Variants in APOO observed in about 807,000 individuals in gnomAD.
APOO encodes MICOS complex subunit MIC26.
Under a neutral mutation model 23.1 loss-of-function variants are expected in APOO, and 11 were observed. The observed-to-expected ratio is 0.48, with a 90% CI of 0.30 to 0.79. The LOEUF (loss-of-function observed/expected upper bound fraction) is 0.79. Among genes scored for constraint, APOO ranks in the 30% least tolerant of loss-of-function variants. The probability of loss-of-function intolerance (pLI) is 0.07; values close to 1 mark genes in which losing one functional copy is unlikely to be tolerated. For synonymous variants in APOO, 59 were observed against 54.8 expected (o/e 1.08, Z -0.34); for missense variants, 160 against 142.7 (o/e 1.12, Z -0.62).
At position 23,856,381 on chromosome X, in the gene APOO, A is replaced by G; in HGVS notation, c.482T>C (p.Val161Ala). 1 of 1,194,026 alleles carries G rather than the reference A, an allele frequency of 8.4e-7. No individual in the cohort carries two copies. The highest frequency in any genetic ancestry group is 1.7e-5 in the African/African-American group (1 of 57,280). Residue 161 changes from valine (V) to alanine (A), a missense_variant and splice_region_variant, in exon 7 of 9, where the codon GTC becomes GCC. Val to Ala is a moderately conservative substitution (Grantham distance 64). Coordinates refer to ENST00000379226, the MANE Select transcript of APOO (RefSeq NM_024122.5). ...CCAGTCATATAATCTCTCCCCACTG[A>G]CCTTAAAACAAAATAGAAAAGATCT... is the stretch of plus-strand genomic sequence containing the variant. ...YPQQAIVFAQ[V>A]SGERLYDWGL... is the part of the protein sequence containing the mutation.
chrX:23,835,747 G>A (rs1444792621), intron 8 of APOO, among the ~76,000 whole-genome samples: 3 of 109,520 alleles, frequency 2.7e-5, no homozygotes, highest in Non-Finnish European at 5.7e-5. Flanking sequence ...ATGAACCTAA[G>A]TCTAATTAAG....
In APOO at chrX:23,840,366, C is replaced by A. The variant is rs749411790; in HGVS notation, c.573G>T (p.Val191=). The A allele has an allele frequency of 8.3e-6, 10 of 1,198,907 alleles. No individual in the cohort carries two copies. In the East Asian group the frequency reaches 3.0e-4, roughly 36 times the overall value. Reference sequence around the variant, plus strand: ...TCTACTTAGTTCCAGGTGAATTCTTCACATTTCCTGGCTTTTAAAACAAAA... The same window carrying A: ...TCTACTTAGTTCCAGGTGAATTCTTAACATTTCCTGGCTTTTAAAACAAAA... The part of the protein sequence containing the change: ...WKENFQKPGN[V]KNSPGTK The change falls in exon 8 of 9, where the codon GTG becomes GTT. Residue 191 remains valine (V), a synonymous_variant. Coordinates refer to ENST00000379226, the MANE Select transcript of APOO (RefSeq NM_024122.5).
At chrX:23,876,369 G>GC (rs1447941860) in intron 3 of APOO, among the ~76,000 whole-genome samples, 1 of 103,576 alleles carries the variant, frequency 9.7e-6, no homozygotes, top group Non-Finnish European at 2.0e-5. Flanking sequence ...GATCTCTTGA[G>GC]CCCAGGAGTT....
chrX:23,888,707 A>T (rs1473707431), intron 1 of APOO, among the ~76,000 whole-genome samples: 2 of 109,504 alleles, frequency 1.8e-5, no homozygotes, highest in Non-Finnish European at 3.8e-5. Context: ...AAAATTAGCC[A>T]GGCATGGTGG....
chrX:23,895,129 A>T (rs1365178640), intron 1 of APOO, among the ~76,000 whole-genome samples: 1 of 106,440 alleles, frequency 9.4e-6, no homozygotes. Context: ...ACAGAGTGAG[A>T]CTCCGCCTCA....
At chrX:23,895,891 G>C (rs770043291) in intron 1 of APOO, among the ~76,000 whole-genome samples, 16 of 108,755 alleles carry the variant, frequency 1.5e-4, no homozygotes, top group South Asian at 4.0e-4. Flanking sequence ...AAAAAAAGAG[G>C]AAGGGGACTT....
intron 7 of APOO, among the ~76,000 whole-genome samples, chrX:23,842,880 T>C (rs773810641): frequency 2.7e-5 from 3 of 111,593 alleles, no homozygotes; most frequent in African/African-American, 6.5e-5. Context: ...TGGTGGCGCA[T>C]GCCTGTAATC....
At chrX:23,860,896 T>C (rs1268927337) in intron 5 of APOO, among the ~76,000 whole-genome samples, 1 of 108,091 alleles carries the variant, frequency 9.3e-6, no homozygotes, top group Non-Finnish European at 1.9e-5. Flanking sequence ...TCCCAGCACT[T>C]TGGGAGGCTG....
chrX:23,868,378 GC>G (rs1925437678), intron 5 of APOO, among the ~76,000 whole-genome samples: 1 of 111,933 alleles, frequency 8.9e-6, no homozygotes, highest in African/African-American at 3.2e-5. Flanking sequence ...AAGTAAATGT[GC>G]CTATAAAGGA....
intron 7 of APOO, among the ~76,000 whole-genome samples, chrX:23,853,202 A>T (rs1388057722): frequency 9.0e-6 from 1 of 110,743 alleles, no homozygotes; most frequent in Non-Finnish European, 1.9e-5. Context: ...AGGTTGCAGT[A>T]AGCCGAGATC....
At chrX:23,873,501 G>C (rs1426917893) in intron 4 of APOO, among the ~76,000 whole-genome samples, 1 of 110,042 alleles carries the variant, frequency 9.1e-6, no homozygotes, top group African/African-American at 3.3e-5. Flanking sequence ...TAGCTACTCG[G>C]GAAGCTAAGG....
Position 23,863,821 on chromosome X carries a change from G to A in APOO, c.388+4772C>T, listed in dbSNP as rs191318731. ...GGAGGATATAGAGCTGTGGAGCAAGGGAAATGGACAGAAGAGACAGCAGGA... is the reference window on the plus strand; with the variant it reads ...GGAGGATATAGAGCTGTGGAGCAAGAGAAATGGACAGAAGAGACAGCAGGA... On this transcript the variant is annotated intron_variant, in intron 5 of 8. Coordinates refer to ENST00000379226, the MANE Select transcript of APOO (RefSeq NM_024122.5). 3.0e-4 allele frequency among the ~76,000 whole-genome samples: 33 copies of A among 110,025 alleles called. No homozygotes were observed. The Admixed American group carries it at 3.3e-3, about 11-fold the overall frequency.
At chrX:23,872,853 C>T (rs1925681428) in intron 4 of APOO, among the ~76,000 whole-genome samples, 1 of 109,685 alleles carries the variant, frequency 9.1e-6, no homozygotes, top group African/African-American at 3.3e-5. Context: ...GAGTTCTACA[C>T]CAGCCTGACC....
At chrX:23,859,382 G>A (rs1475835462) in intron 5 of APOO, among the ~76,000 whole-genome samples, 11 of 110,396 alleles carry the variant, frequency 1.0e-4, no homozygotes, top group Non-Finnish European at 2.1e-4. Flanking sequence ...CCCCCGTACC[G>A]TCCAGCCCTA....
intron 3 of APOO, among the ~76,000 whole-genome samples, chrX:23,875,577 G>A (rs1430900806): frequency 9.4e-6 from 1 of 106,735 alleles, no homozygotes; most frequent in East Asian, 3.1e-4. Context: ...CCGCCACCAC[G>A]CCCAACTAAT....
At chrX:23,870,803 A>T (rs1277469829) in intron 4 of APOO, among the ~76,000 whole-genome samples, 1 of 108,682 alleles carries the variant, frequency 9.2e-6, no homozygotes, top group South Asian at 4.0e-4. Context: ...AACAAAAACA[A>T]AAACAGGCCA....
intron 5 of APOO, among the ~76,000 whole-genome samples, 160 bp from the exon 6 acceptor site, chrX:23,858,893 G>A (rs1924896224): frequency 8.9e-6 from 1 of 111,960 alleles, no homozygotes; most frequent in African/African-American, 3.2e-5. Context: ...TTGAGGCCAG[G>A]AGTTTGACAC....
intron 7 of APOO, among the ~76,000 whole-genome samples, chrX:23,850,323 C>T (rs1283368758): frequency 2.7e-5 from 3 of 111,844 alleles, no homozygotes; most frequent in African/African-American, 9.7e-5. Flanking sequence ...TACACATATA[C>T]TCCATGATGA....
At chrX:23,869,419 T>G (rs770932166) in intron 4 of APOO, among the ~76,000 whole-genome samples, 74 of 110,082 alleles carry the variant, frequency 6.7e-4, no homozygotes, top group African/African-American at 2.2e-3. Flanking sequence ...ATAGATCTAT[T>G]GCTATCTGAA....
Sources: allele counts gnomAD v4.1 joint callset (sites outside exome capture counted in the v4.1 genomes callset), GRCh38; gene constraint gnomAD v4.1.1; transcripts MANE v1.5; gene names NCBI Gene and HGNC (gene_info 2026-07-23, HGNC 2026-07-21).